TBC1D19: variants seen among roughly 807,000 people sequenced by gnomAD.
The protein encoded by TBC1D19 is TBC1 domain family, member 19.
Under a neutral mutation model 89.0 loss-of-function variants are expected in TBC1D19, and 60 were observed. The observed-to-expected ratio is 0.67, with a 90% CI of 0.55 to 0.84. The LOEUF is 0.84. Among genes scored for constraint, TBC1D19 ranks in the 40% least tolerant of loss-of-function variants. The pLI, the probability that TBC1D19 is intolerant of heterozygous loss-of-function variation, is 0.00. For missense variants in TBC1D19, 500 were observed against 610.8 expected, an observed-to-expected ratio of 0.82 and a Z score of 1.91; for synonymous variants, 189 against 199.7, an observed-to-expected ratio of 0.95 and a Z score of 0.45.
intron 4 of TBC1D19, among the ~76,000 whole-genome samples, chr4:26,633,582 T>G (rs1235656576): frequency 6.6e-6 from 1 of 152,154 alleles, no homozygotes; most frequent in Admixed American, 6.6e-5. Context: ...GGTTAGCAGC[T>G]TTACAGATAA....
chr4:26,783,658 T>G, the TBC1D19 span, among the ~76,000 whole-genome samples: 4 of 152,348 alleles, frequency 2.6e-5, no homozygotes, highest in African/African-American at 9.6e-5. Context: ...AAAGGGGGTA[T>G]GCTTTTTGAA....
chr4:26,853,011 C>T, the TBC1D19 span, among the ~76,000 whole-genome samples: 2 of 152,236 alleles, frequency 1.3e-5, no homozygotes, highest in East Asian at 1.9e-4. Flanking sequence ...TCCGCAATGG[C>T]GTCCCCGCTC....
chr4:26,831,084 A>G, the TBC1D19 span, among the ~76,000 whole-genome samples: 1 of 152,114 alleles, frequency 6.6e-6, no homozygotes, highest in Admixed American at 6.6e-5. Context: ...CAAATTTCAT[A>G]TATCACAAAG....
At chr4:26,727,077 T>A (rs1717365803) in intron 15 of TBC1D19, among the ~76,000 whole-genome samples, 1 of 152,174 alleles carries the variant, frequency 6.6e-6, no homozygotes, top group Non-Finnish European at 1.5e-5. Flanking sequence ...AGCAGACTTG[T>A]AGAAGAACTC....
intron 1 of TBC1D19, among the ~76,000 whole-genome samples, chr4:26,611,879 G>A (rs537963443): frequency 1.3e-4 from 20 of 151,900 alleles, no homozygotes; most frequent in Non-Finnish European, 2.4e-4. Flanking sequence ...GAAAGGGAGC[G>A]TTGATTTGTC....
intron 13 of TBC1D19, among the ~76,000 whole-genome samples, chr4:26,712,947 A>G (rs1216353748): frequency 1.3e-5 from 2 of 152,004 alleles, no homozygotes; most frequent in African/African-American, 4.8e-5. Flanking sequence ...ACAGGAAAAA[A>G]CCATATCCAA....
At chr4:26,741,383 AAAAG>A (rs1337452346) in intron 17 of TBC1D19, among the ~76,000 whole-genome samples, 2,003 of 150,646 alleles carry the variant, frequency 0.013, 34 homozygotes, top group East Asian at 0.053. Context: ...AAAAAAAAAA[AAAAG>A]ATTAATAATT....
chr4:26,629,646 A>G (rs260959), intron 4 of TBC1D19, among the ~76,000 whole-genome samples: 55,378 of 151,878 alleles, frequency 0.36, 11,412 homozygotes, highest in Non-Finnish European at 0.47. Context: ...TAATAATAGT[A>G]AAAAATTTAA....
chr4:26,757,655 C>T (rs555679716), downstream of TBC1D19, among the ~76,000 whole-genome samples: 2 of 152,292 alleles, frequency 1.3e-5, no homozygotes, highest in East Asian at 1.9e-4. Flanking sequence ...TCACAACACC[C>T]CATACTCAGC....
chr4:26,653,275 G>A (rs1744536735), intron 7 of TBC1D19, among the ~76,000 whole-genome samples: 1 of 152,150 alleles, frequency 6.6e-6, no homozygotes, highest in South Asian at 2.1e-4. Flanking sequence ...GCTGAGGAGT[G>A]CTTTGCTTCC....
intron 1 of TBC1D19, among the ~76,000 whole-genome samples, chr4:26,578,014 A>G (rs1476140532): frequency 6.6e-6 from 1 of 152,108 alleles, no homozygotes; most frequent in African/African-American, 2.4e-5. Context: ...CTTTGTGTCA[A>G]ACACTTAATT....
intron 11 of TBC1D19, among the ~76,000 whole-genome samples, chr4:26,679,550 G>A (rs1294226298): frequency 6.6e-6 from 1 of 152,232 alleles, no homozygotes; most frequent in Non-Finnish European, 1.5e-5. Flanking sequence ...GAAGGGAAAT[G>A]TGGGTTGGAG....
At chr4:26,746,367 C>T (rs929942476) in intron 18 of TBC1D19, among the ~76,000 whole-genome samples, 1 of 151,948 alleles carries the variant, frequency 6.6e-6, no homozygotes, top group Non-Finnish European at 1.5e-5. Context: ...CCACACACAG[C>T]CCTTCACTTT....
chr4:26,693,245 T>G (rs998005930), intron 13 of TBC1D19, among the ~76,000 whole-genome samples: 4 of 151,968 alleles, frequency 2.6e-5, no homozygotes, highest in Admixed American at 2.6e-4. Context: ...CAGACTTAAA[T>G]GAAATATTTC....
At chr4:26,587,455 T>C (rs1739484471) in intron 1 of TBC1D19, among the ~76,000 whole-genome samples, 1 of 151,720 alleles carries the variant, frequency 6.6e-6, no homozygotes, top group East Asian at 1.9e-4. Context: ...TGCGCACCTG[T>C]AGTCCCAGCT....
chr4:26,635,292 A>G (rs1444388253), intron 4 of TBC1D19, among the ~76,000 whole-genome samples: 2 of 152,128 alleles, frequency 1.3e-5, no homozygotes, highest in African/African-American at 4.8e-5. Context: ...AGAAAGGTGA[A>G]TGAGATTTAT....
downstream of TBC1D19, among the ~76,000 whole-genome samples, chr4:26,758,387 CCTT>C (rs1403103550): frequency 2.0e-5 from 3 of 152,174 alleles, no homozygotes; most frequent in Non-Finnish European, 2.9e-5. Context: ...ATCTAGTCTT[CCTT>C]CTTCCACAAA....
intron 8 of TBC1D19, among the ~76,000 whole-genome samples, chr4:26,665,875 C>T (rs534212415): frequency 1.3e-5 from 2 of 151,946 alleles, no homozygotes; most frequent in African/African-American, 4.8e-5. Context: ...CCTAAAAAGG[C>T]AAAATCAAGA....
the TBC1D19 span, among the ~76,000 whole-genome samples, chr4:26,841,520 T>C: frequency 6.6e-6 from 1 of 152,170 alleles, no homozygotes; most frequent in Non-Finnish European, 1.5e-5. Flanking sequence ...CTGGGACAAC[T>C]GACTCTTGGA....
Sources: allele counts gnomAD v4.1 joint callset (sites outside exome capture counted in the v4.1 genomes callset), GRCh38; gene constraint gnomAD v4.1.1; transcripts MANE v1.5; gene names NCBI Gene and HGNC (gene_info 2026-07-23, HGNC 2026-07-21).